The following DENND4C variants were observed in gnomAD, a reference collection of about 807,000 sequenced individuals.
DENND4C encodes the protein DENN domain containing 4C.
A neutral mutation model predicts 203.0 loss-of-function variants in DENND4C; 108 were observed. That is an observed-to-expected ratio of 0.53 (90% confidence interval 0.46 to 0.62). The LOEUF (loss-of-function observed/expected upper bound fraction) is 0.62, where lower values mean the gene tolerates loss of function less well. Among genes scored for constraint, DENND4C ranks in the 20% least tolerant of loss-of-function variants. The pLI is 0.00. For missense variants in DENND4C, 2,481 were observed against 2,301.2 expected, an observed-to-expected ratio of 1.08 and a Z score of -1.60; for synonymous variants, 871 against 792.4, an observed-to-expected ratio of 1.10 and a Z score of -1.67.
At chr9:19,277,111 A>G (rs553233743) in intron 2 of DENND4C, among the ~76,000 whole-genome samples, 11 of 152,190 alleles carry the variant, frequency 7.2e-5, no homozygotes, top group African/African-American at 1.2e-4. Flanking sequence ...ACACTTTACC[A>G]TATATACATG....
At chr9:19,299,914 C>G (rs1363989368) in intron 8 of DENND4C, among the ~76,000 whole-genome samples, 2 of 152,196 alleles carry the variant, frequency 1.3e-5, no homozygotes, top group Non-Finnish European at 2.9e-5. Flanking sequence ...TTGTCTGTCA[C>G]CCCTTCACTC....
intron 5 of DENND4C, among the ~76,000 whole-genome samples, chr9:19,291,181 C>G (rs1288771764): frequency 6.6e-6 from 1 of 151,946 alleles, no homozygotes; most frequent in East Asian, 1.9e-4. Flanking sequence ...TCGACAGACA[C>G]AATTAAAAAG....
At position 19,298,041 on chromosome 9, in the gene DENND4C, A is replaced by G. The variant is rs760767209; in HGVS notation, c.1041-15A>G. ...AAAAGTAATTATTATATTTATTTCA[A>G]ATTTTTTTTTCTAGGCACATTTCAC... is the stretch of plus-strand genomic sequence containing the variant. On this transcript the variant is annotated splice_polypyrimidine_tract_variant and intron_variant, in intron 6 of 32. Transcript: ENST00000434457. 16 of 1,592,768 alleles carry G rather than the reference A, an allele frequency of 1.0e-5. No individual in the cohort carries two copies. Among genetic ancestry groups the G allele is most frequent in the Non-Finnish European group, 1.4e-5 (16 of 1,166,660 alleles).
chr9:19,371,922 T>G (rs538278245), intron 32 of DENND4C, 102 bp downstream of exon 32: 1 of 1,322,030 alleles, frequency 7.6e-7, no homozygotes, highest in African/African-American at 1.5e-5. Flanking sequence ...TTAAAAGATT[T>G]CTACTTCTAA....
At position 19,286,757 on chromosome 9, in the gene DENND4C, C is replaced by G. The variant is rs919758126; in HGVS notation, c.306-12C>G. On this transcript the variant is annotated splice_polypyrimidine_tract_variant and intron_variant, in intron 2 of 32. Coordinates refer to ENST00000434457, the MANE Select transcript of DENND4C (RefSeq NM_001330640.2). Reference sequence around the variant, plus strand: ...ATATCTATATCTATTTCTTCCCCTTCCTGCCATGCAGAGTTCTATATGAAG... The same window carrying G: ...ATATCTATATCTATTTCTTCCCCTTGCTGCCATGCAGAGTTCTATATGAAG... The G allele has an allele frequency of 3.2e-5, 39 of 1,231,840 alleles. No homozygotes were observed. Among genetic ancestry groups the G allele is most frequent in the Non-Finnish European group, 3.9e-5 (39 of 987,888 alleles). The allele number at this position is 1,231,840 out of a possible 1,614,324, so 76.3% of individuals were successfully genotyped here. A position where few individuals can be genotyped will look rare whatever the true frequency, so the allele number is the denominator to read the frequency against.
At chr9:19,266,802 C>G (rs1289202981) in intron 1 of DENND4C, among the ~76,000 whole-genome samples, 1 of 152,132 alleles carries the variant, frequency 6.6e-6, no homozygotes, top group African/African-American at 2.4e-5. Context: ...GGATCCCTTC[C>G]TTACACCTTA....
At chr9:19,363,659 A>G (rs1168743878) in intron 30 of DENND4C, among the ~76,000 whole-genome samples, 4 of 152,122 alleles carry the variant, frequency 2.6e-5, no homozygotes, top group Non-Finnish European at 4.4e-5. Flanking sequence ...TAATATAAAC[A>G]TATTTTAAAA....
chr9:19,373,388 A>G lies in DENND4C; in HGVS notation c.*1215A>G, dbSNP rs143810329. 8 of 152,758 alleles carry G rather than the reference A, an allele frequency of 5.2e-5. No individual in the cohort carries two copies. In the East Asian group the frequency reaches 1.5e-3, roughly 29 times the overall value. The allele number at this position is 152,758 out of a possible 1,614,324, so 9.5% of individuals were successfully genotyped here. A position where few individuals can be genotyped will look rare whatever the true frequency, so the allele number is the denominator to read the frequency against. On this transcript the variant is annotated 3_prime_UTR_variant, in exon 33 of 33. Coordinates refer to ENST00000434457, the MANE Select transcript of DENND4C (RefSeq NM_001330640.2). Reference sequence around the variant, plus strand: ...CATTGGAATGTGCTTAAAATGCTAAAGTGTATGTCATTGAACATGAAATCT... The same window carrying G: ...CATTGGAATGTGCTTAAAATGCTAAGGTGTATGTCATTGAACATGAAATCT...
chr9:19,336,933 A>C, intron 20 of DENND4C, 101 bp downstream of exon 20: 1 of 1,117,906 alleles, frequency 8.9e-7, no homozygotes, highest in African/African-American at 1.6e-5. Flanking sequence ...TGATATGACT[A>C]CTTTAAAAGT....
intron 15 of DENND4C, among the ~76,000 whole-genome samples, chr9:19,326,983 T>C (rs909772611): frequency 4.6e-5 from 7 of 151,320 alleles, no homozygotes; most frequent in African/African-American, 1.2e-4. Context: ...TTAGGCTGCA[T>C]TTCTAAAAGA....
chr9:19,272,721 G>C (rs1299707502), intron 1 of DENND4C, among the ~76,000 whole-genome samples: 1 of 152,028 alleles, frequency 6.6e-6, no homozygotes, highest in Non-Finnish European at 1.5e-5. Flanking sequence ...AAATGTGGGG[G>C]AAATGTTTTC....
intron 10 of DENND4C, among the ~76,000 whole-genome samples, chr9:19,306,170 T>C (rs1464893334): frequency 6.6e-6 from 1 of 152,214 alleles, no homozygotes; most frequent in Admixed American, 6.5e-5. Flanking sequence ...CAGTAAGTAT[T>C]AAAAATGTTC....
intron 12 of DENND4C, among the ~76,000 whole-genome samples, chr9:19,319,076 G>A (rs1006393636): frequency 1.3e-5 from 2 of 151,622 alleles, no homozygotes; most frequent in Non-Finnish European, 2.9e-5. Flanking sequence ...GGCTGAGGCA[G>A]GAGAATCGCT....
rs190494598 is a variant in DENND4C, at chr9:19,288,424, T to C, written c.559-172T>C. Among the ~76,000 whole-genome samples the C allele has an allele frequency of 1.6e-3, 244 of 152,362 alleles. 2 individuals are homozygous for C. Among genetic ancestry groups the C allele is most frequent in the African/African-American group, 5.5e-3 (229 of 41,586 alleles). On this transcript the variant is annotated intron_variant, in intron 3 of 32. Coordinates refer to ENST00000434457, the MANE Select transcript of DENND4C (RefSeq NM_001330640.2). ...GTAGCATTGTTTTCTTACTCTCTTA[T>C]TTTAGTGTTCTGAACTTCATGCTTT...
chr9:19,346,013 G>A lies in DENND4C; in HGVS notation c.3244G>A (p.Gly1082Arg). The change falls in exon 23 of 33, where the codon GGA becomes AGA. Residue 1082 changes from glycine to arginine, a missense_variant. Gly to Arg is a moderately radical substitution (Grantham distance 125). This residue lies in a region of DENND4C where 2,289 missense variants were observed against 2,113.3 expected (regional missense o/e 1.08). Coordinates refer to ENST00000434457, the MANE Select transcript of DENND4C (RefSeq NM_001330640.2). ...TAATCTCAAGAAGAATGGTGATAGA[G>A]GAGAAAAAAGACAAAAGCATTTTCC... ...ATNLKKNGDR[G>R]EKRQKHFPER... 3 of 1,614,074 alleles carry A rather than the reference G, an allele frequency of 1.9e-6. No individual in the cohort carries two copies.
At position 19,329,487 on chromosome 9, in the gene DENND4C, T is replaced by C. The variant is rs1818600663; in HGVS notation, c.2253+1325T>C. On this transcript the variant is annotated intron_variant, in intron 16 of 32. Transcript: ENST00000434457. ...GTGGATACTTCCTACTTCTTGGCTA[T>C]TATGAATATTGCAAATGAACATTTG... Among the ~76,000 whole-genome samples the C allele has an allele frequency of 2.0e-5, 3 of 152,230 alleles. No homozygotes were observed. The South Asian group carries it at 6.2e-4, about 31-fold the overall frequency.
At chr9:19,326,799 A>G (rs1817928399) in intron 15 of DENND4C, among the ~76,000 whole-genome samples, 1 of 152,072 alleles carries the variant, frequency 6.6e-6, no homozygotes. Flanking sequence ...CATCAGGTAG[A>G]TTCTCTTTGT....
chr9:19,331,363 C>T (rs377353887), intron 16 of DENND4C, among the ~76,000 whole-genome samples: 42 of 151,978 alleles, frequency 2.8e-4, no homozygotes, highest in East Asian at 9.8e-4. Flanking sequence ...CCACCATGCG[C>T]GGCTAATTTT....
chr9:19,248,556 ATTTTTGTAT>A (rs1333120724), intron 1 of DENND4C, among the ~76,000 whole-genome samples: 1 of 151,516 alleles, frequency 6.6e-6, no homozygotes, highest in Non-Finnish European at 1.5e-5. Flanking sequence ...CGCCTGGCTA[ATTTTTGTAT>A]TTTTAGTAAA....
Sources: allele counts gnomAD v4.1 joint callset (sites outside exome capture counted in the v4.1 genomes callset), GRCh38; gene constraint gnomAD v4.1.1; regional missense constraint gnomAD v4.1.1; transcripts MANE v1.5; gene names NCBI Gene and HGNC (gene_info 2026-07-23, HGNC 2026-07-21).